HBS1L: variants seen among roughly 807,000 people sequenced by gnomAD.
HBS1L encodes HBS1 like translational GTPase, also known as HBS1-like protein.
HBS1L carries 55 observed loss-of-function variants against 88.9 expected under a neutral mutation model. That is an observed-to-expected ratio of 0.62 (90% confidence interval 0.50 to 0.77). The LOEUF is 0.77. Among genes scored for constraint, HBS1L ranks in the 30% least tolerant of loss-of-function variants. HBS1L has a pLI of 0.00. For missense variants in HBS1L, 741 were observed against 829.3 expected, an observed-to-expected ratio of 0.89 and a Z score of 1.31; for synonymous variants, 267 against 288.5, an observed-to-expected ratio of 0.93 and a Z score of 0.76.
chr6:135,037,094 A>G (rs1776577305), intron 4 of HBS1L: 2 of 1,551,540 alleles, frequency 1.3e-6, no homozygotes, highest in Middle Eastern at 1.7e-4. Context: ...ATCAATTCAG[A>G]AAGTGACAAA....
At chr6:134,999,928 G>C (rs909423042) in intron 5 of HBS1L, among the ~76,000 whole-genome samples, 3 of 152,078 alleles carry the variant, frequency 2.0e-5, no homozygotes, top group Non-Finnish European at 4.4e-5. Context: ...CTAAGATAAG[G>C]TCTAAAAATG....
At chr6:135,016,952 G>A (rs1188520371) in intron 4 of HBS1L, among the ~76,000 whole-genome samples, 3 of 152,178 alleles carry the variant, frequency 2.0e-5, no homozygotes, top group African/African-American at 7.2e-5. Context: ...AGACACTGAT[G>A]CTGACAAGTG....
chr6:135,037,710 ACTGT>A (rs1170070649), intron 4 of HBS1L: 15 of 1,551,058 alleles, frequency 9.7e-6, no homozygotes, highest in Non-Finnish European at 1.2e-5. Flanking sequence ...GACTTTCCAG[ACTGT>A]CTGTAGATGA....
Position 135,002,788 on chromosome 6 carries a change from A to G in HBS1L, c.485T>C (p.Val162Ala), listed in dbSNP as rs1415210341. ...SRSESEIVPK[V>A]AKMTVSGKKQ... ...CTTTCCAGATACAGTCATTTTAGCA[A>G]CTTTTGGCACAATTTCAGATTCACT... The change falls in exon 5 of 18, where the codon GTT (valine) becomes GCT (alanine). Residue 162 changes from valine (V) to alanine (A), a missense_variant. By Grantham distance (64) the Val-to-Ala change is moderately conservative. Transcript: ENST00000367837. 6.2e-7 allele frequency: 1 copy of G among 1,613,478 alleles called. No individual in the cohort carries two copies. The highest frequency in any genetic ancestry group is 1.1e-5 in the South Asian group (1 of 91,040).
chr6:135,025,172 G>C (rs1418502189), intron 4 of HBS1L, among the ~76,000 whole-genome samples: 1 of 152,136 alleles, frequency 6.6e-6, no homozygotes, highest in African/African-American at 2.4e-5. Flanking sequence ...TTTCCCGAAA[G>C]AGAGCAAGAA....
At chr6:135,042,975 T>A (rs764667683) in intron 2 of HBS1L, among the ~76,000 whole-genome samples, 65 of 152,356 alleles carry the variant, frequency 4.3e-4, no homozygotes, top group Middle Eastern at 3.4e-3. Context: ...ACTAGTGTCA[T>A]ATACCTAACT....
intron 4 of HBS1L, among the ~76,000 whole-genome samples, chr6:135,019,079 AT>A (rs1417767110): frequency 1.3e-5 from 2 of 151,974 alleles, no homozygotes; most frequent in Non-Finnish European, 2.9e-5. Context: ...GACTTAATAT[AT>A]GCTATAATGG....
intron 15 of HBS1L, among the ~76,000 whole-genome samples, chr6:134,976,015 C>T (rs374387793): frequency 1.3e-5 from 2 of 151,972 alleles, no homozygotes; most frequent in East Asian, 1.9e-4. Flanking sequence ...ATGCATCTGA[C>T]AGGACTAGTA....
intron 1 of HBS1L, among the ~76,000 whole-genome samples, chr6:135,053,833 T>C (rs1176486314): frequency 6.6e-6 from 1 of 152,242 alleles, no homozygotes; most frequent in Non-Finnish European, 1.5e-5. Flanking sequence ...TATAGTTATC[T>C]ACTGCATGAA....
intron 15 of HBS1L, among the ~76,000 whole-genome samples, chr6:134,973,541 G>T (rs1258445227): frequency 6.6e-6 from 1 of 152,132 alleles, no homozygotes; most frequent in South Asian, 2.1e-4. Flanking sequence ...CTGGCCAGGC[G>T]CAGTGGCTCA....
chr6:134,982,853 A>T (rs959390387), intron 12 of HBS1L: 5 of 178,284 alleles, frequency 2.8e-5, no homozygotes, highest in Non-Finnish European at 5.8e-5. Context: ...CTCTGGGGAT[A>T]AAAAAAAATA....
In HBS1L at chr6:134,982,499, C is replaced by G; in HGVS notation, c.1556G>C (p.Arg519Pro). 2 of 1,611,312 alleles carry G rather than the reference C, an allele frequency of 1.2e-6. No homozygotes were observed. The highest frequency in any genetic ancestry group is 1.7e-6 in the Non-Finnish European group (2 of 1,178,016). ...IEAGYIQTGD[R>P]LLAMPPNETC... is the part of the protein sequence containing the mutation. Reference sequence around the variant, plus strand: ...TTCATTAGGAGGCATTGCCAGTAGTCGGTCACCAGTTTGGATATAACCAGC... The same window carrying G: ...TTCATTAGGAGGCATTGCCAGTAGTGGGTCACCAGTTTGGATATAACCAGC... The change falls in exon 13 of 18, where the codon CGA becomes CCA. Residue 519 changes from arginine to proline, a missense_variant. Coordinates refer to ENST00000367837, the MANE Select transcript of HBS1L (RefSeq NM_006620.4).
At chr6:135,047,186 C>A (rs1776939671) in intron 2 of HBS1L, among the ~76,000 whole-genome samples, 1 of 152,142 alleles carries the variant, frequency 6.6e-6, no homozygotes, top group Admixed American at 6.5e-5. Flanking sequence ...GAAGCTAGGC[C>A]ATAAATGCAA....
intron 8 of HBS1L, among the ~76,000 whole-genome samples, chr6:134,989,697 C>T (rs1775077806): frequency 1.3e-5 from 2 of 152,156 alleles, no homozygotes; most frequent in South Asian, 4.1e-4. Flanking sequence ...TTCCTGTTTC[C>T]TTTTACTCGT....
intron 4 of HBS1L, chr6:135,036,680 C>T: frequency 1.3e-6 from 2 of 1,551,220 alleles, no homozygotes; most frequent in Non-Finnish European, 1.7e-6. Flanking sequence ...ACATCTTGAA[C>T]TTGTCTACTA....
At chr6:135,033,629 T>C (rs1339132896) in intron 4 of HBS1L, among the ~76,000 whole-genome samples, 3 of 152,184 alleles carry the variant, frequency 2.0e-5, no homozygotes, top group African/African-American at 2.4e-5. Flanking sequence ...AAGAATCTCA[T>C]ACCTAGTAGT....
intron 4 of HBS1L, among the ~76,000 whole-genome samples, chr6:135,025,160 A>C (rs9494133): frequency 1.2e-3 from 177 of 152,270 alleles, no homozygotes; most frequent in African/African-American, 4.0e-3. Flanking sequence ...CACCCATCCC[A>C]TTTTCCCGAA....
chr6:135,053,835 C>G (rs1394913734), intron 1 of HBS1L, among the ~76,000 whole-genome samples: 2 of 152,200 alleles, frequency 1.3e-5, no homozygotes, highest in Non-Finnish European at 2.9e-5. Flanking sequence ...TAGTTATCTA[C>G]TGCATGAAGA....
intron 8 of HBS1L, among the ~76,000 whole-genome samples, chr6:134,991,172 T>C (rs76288886): frequency 6.7e-6 from 1 of 150,052 alleles, no homozygotes; most frequent in Non-Finnish European, 1.5e-5. Context: ...CAGTGAGGGA[T>C]TGGTTCCAGA....
Sources: gnomAD v4.1 joint callset for allele counts (sites outside exome capture counted in the v4.1 genomes callset) on GRCh38, gnomAD v4.1.1 for gene constraint, MANE v1.5 for transcripts, NCBI Gene and HGNC (gene_info 2026-07-23, HGNC 2026-07-21) for gene names.